RANBP2: variants seen among roughly 807,000 people sequenced by gnomAD.
RANBP2 encodes the protein RAN binding protein 2, also known as E3 SUMO-protein ligase RanBP2.
A neutral mutation model predicts 303.6 loss-of-function variants in RANBP2; 57 were observed. That is an observed-to-expected ratio of 0.19 (90% CI 0.15 to 0.23). The LOEUF (loss-of-function observed/expected upper bound fraction) is 0.23. Ranked by LOEUF, RANBP2 falls within the 10% of genes least tolerant of loss-of-function variation. The pLI, the probability that RANBP2 is intolerant of heterozygous loss-of-function variation, is 1.00. For missense variants in RANBP2, 3,138 were observed against 3,780.8 expected (o/e 0.83, Z 4.46); for synonymous variants, 1,167 against 1,301.5 (o/e 0.90, Z 2.23).
chr2:109,360,120 G>C, the RANBP2 span, among the ~76,000 whole-genome samples: 20 of 151,686 alleles, frequency 1.3e-4, no homozygotes, highest in African/African-American at 4.1e-4. Flanking sequence ...AGCATCATAG[G>C]TAGAGACTGA....
At chr2:109,086,546 C>T in the RANBP2 span, among the ~76,000 whole-genome samples, 1 of 152,154 alleles carries the variant, frequency 6.6e-6, no homozygotes, top group Non-Finnish European at 1.5e-5. Flanking sequence ...CTGGGCTGAG[C>T]CAAGACCAGT....
chr2:108,929,400 G>A, the RANBP2 span: 6 of 1,613,664 alleles, frequency 3.7e-6, no homozygotes, highest in Non-Finnish European at 5.1e-6. Flanking sequence ...AAAGAGGACA[G>A]GGGACACAGG....
chr2:108,837,248 G>C, the RANBP2 span, among the ~76,000 whole-genome samples: 10,580 of 152,130 alleles, frequency 0.07, 450 homozygotes, highest in South Asian at 0.15. Context: ...TCATGAAAGG[G>C]CGTTGAATCT....
the RANBP2 span, among the ~76,000 whole-genome samples, chr2:109,014,235 A>C: frequency 1.3e-5 from 2 of 152,206 alleles, no homozygotes; most frequent in African/African-American, 4.8e-5. Flanking sequence ...ACTTTAGGAA[A>C]ATGGAGTTGA....
the RANBP2 span, among the ~76,000 whole-genome samples, chr2:108,948,044 C>T: frequency 6.6e-6 from 1 of 152,260 alleles, no homozygotes; most frequent in Non-Finnish European, 1.5e-5. Context: ...TCAGAAAAAG[C>T]CAGGTCACAT....
chr2:109,495,912 A>AAAC, the RANBP2 span, among the ~76,000 whole-genome samples: 38,791 of 152,060 alleles, frequency 0.26, 5,283 homozygotes, highest in East Asian at 0.5. Context: ...AGTGCACACT[A>AAAC]AACACAACAA....
chr2:109,160,614 T>C, the RANBP2 span, among the ~76,000 whole-genome samples: 1 of 152,146 alleles, frequency 6.6e-6, no homozygotes, highest in African/African-American at 2.4e-5. Flanking sequence ...TGTTTTCCAA[T>C]GGAAAAGCTA....
chr2:109,016,803 T>G, the RANBP2 span, among the ~76,000 whole-genome samples: 1 of 152,068 alleles, frequency 6.6e-6, no homozygotes, highest in African/African-American at 2.4e-5. Context: ...TGGGGTGGCG[T>G]TTTATTTGGC....
the RANBP2 span, among the ~76,000 whole-genome samples, chr2:108,865,085 A>T: frequency 6.6e-6 from 1 of 152,140 alleles, no homozygotes; most frequent in African/African-American, 2.4e-5. Context: ...ACACAAATAC[A>T]TACACATTTT....
chr2:109,085,010 G>A, the RANBP2 span, among the ~76,000 whole-genome samples: 1 of 152,190 alleles, frequency 6.6e-6, no homozygotes, highest in South Asian at 2.1e-4. Context: ...TGACAGAGCA[G>A]TTGCTCTCAC....
chr2:109,330,345 CG>C, the RANBP2 span, among the ~76,000 whole-genome samples: 1 of 152,144 alleles, frequency 6.6e-6, no homozygotes, highest in Non-Finnish European at 1.5e-5. Flanking sequence ...TATCTCTCTC[CG>C]TCTCTTCCTT....
chr2:108,840,581 A>G, the RANBP2 span, among the ~76,000 whole-genome samples: 1 of 152,208 alleles, frequency 6.6e-6, no homozygotes, highest in East Asian at 1.9e-4. Flanking sequence ...GGACTGAACC[A>G]TTCAAATGTA....
At chr2:109,729,586 G>A in the RANBP2 span, among the ~76,000 whole-genome samples, 4 of 152,118 alleles carry the variant, frequency 2.6e-5, no homozygotes, top group South Asian at 4.2e-4. Flanking sequence ...GGAAGTGGAG[G>A]TTGCAGTGAG....
At chr2:109,514,613 C>G in the RANBP2 span, among the ~76,000 whole-genome samples, 1 of 152,316 alleles carries the variant, frequency 6.6e-6, no homozygotes, top group South Asian at 2.1e-4. Context: ...GTACAGACCC[C>G]CACGCAGGGA....
At chr2:109,014,701 A>T in the RANBP2 span, among the ~76,000 whole-genome samples, 38 of 152,214 alleles carry the variant, frequency 2.5e-4, no homozygotes, top group Admixed American at 6.5e-4. Flanking sequence ...GTGGTGTTGC[A>T]GGATGCACGT....
the RANBP2 span, among the ~76,000 whole-genome samples, chr2:109,303,402 G>A: frequency 2.0e-5 from 3 of 152,210 alleles, no homozygotes; most frequent in South Asian, 2.1e-4. Context: ...TTTCTCCTTC[G>A]CTCACACTAT....
At chr2:109,505,587 G>A in the RANBP2 span, among the ~76,000 whole-genome samples, 4 of 152,304 alleles carry the variant, frequency 2.6e-5, no homozygotes, top group East Asian at 7.7e-4. Flanking sequence ...GTAGCTGCAG[G>A]CCTGGCACTG....
At chr2:109,351,220 ACACGTGCTGGGCCAGT>A in the RANBP2 span, among the ~76,000 whole-genome samples, 1 of 152,178 alleles carries the variant, frequency 6.6e-6, no homozygotes, top group African/African-American at 2.4e-5. Flanking sequence ...AGGAGCCTCC[ACACGTGCTGGGCCAGT>A]CACCCGGGAG....
At chr2:109,095,503 A>G in the RANBP2 span, among the ~76,000 whole-genome samples, 2 of 152,228 alleles carry the variant, frequency 1.3e-5, no homozygotes, top group African/African-American at 4.8e-5. Context: ...AGGTTTAAGC[A>G]AGGTGAAAGG....
Sources: allele counts gnomAD v4.1 joint callset (sites outside exome capture counted in the v4.1 genomes callset), GRCh38; gene constraint gnomAD v4.1.1; transcripts MANE v1.5; gene names NCBI Gene and HGNC (gene_info 2026-07-23, HGNC 2026-07-21).